EYS: variants seen among roughly 807,000 people sequenced by gnomAD.
The protein encoded by EYS is protein eyes shut homolog.
Under a neutral mutation model 282.1 loss-of-function variants are expected in EYS, and 250 were observed. The ratio of observed to expected loss-of-function variants is 0.89; its 90% CI spans 0.80 to 0.98. The LOEUF (loss-of-function observed/expected upper bound fraction) is 0.98, where lower values mean the gene tolerates loss of function less well. EYS is among the 50% of genes least tolerant of loss of function. The pLI, the probability that EYS is intolerant of heterozygous loss-of-function variation, is 0.00. For missense variants in EYS, 4,016 were observed against 3,709.0 expected, an observed-to-expected ratio of 1.08 and a Z score of -2.15; for synonymous variants, 1,355 against 1,282.9, an observed-to-expected ratio of 1.06 and a Z score of -1.20.
intron 12 of EYS, among the ~76,000 whole-genome samples, chr6:65,152,117 C>T (rs139159695): frequency 6.6e-6 from 1 of 152,056 alleles, no homozygotes; most frequent in East Asian, 1.9e-4. Context: ...TTCATAGTTG[C>T]ACCCATTGCC....
chr6:63,940,270 G>A (rs9444393), intron 35 of EYS, among the ~76,000 whole-genome samples: 1 of 151,842 alleles, frequency 6.6e-6, no homozygotes, highest in African/African-American at 2.4e-5. Flanking sequence ...CTGTAGTTGT[G>A]GTTGCTGCTA....
chr6:65,353,227 CT>C (rs1764353611), intron 9 of EYS, among the ~76,000 whole-genome samples: 1 of 151,956 alleles, frequency 6.6e-6, no homozygotes, highest in Admixed American at 6.6e-5. Flanking sequence ...GGAAATAGCT[CT>C]AGTTTACTTC....
At chr6:65,106,925 A>G (rs6939268) in intron 12 of EYS, among the ~76,000 whole-genome samples, 71,360 of 151,384 alleles carry the variant, frequency 0.47, 17,407 homozygotes, top group African/African-American at 0.56. Flanking sequence ...GCTGGGTTTG[A>G]GAAAAAGAAC....
intron 19 of EYS, among the ~76,000 whole-genome samples, chr6:64,856,616 CT>C (rs149450189): frequency 2.6e-5 from 4 of 151,976 alleles, no homozygotes; most frequent in South Asian, 2.1e-4. Flanking sequence ...TTTTAAAGGA[CT>C]TTTTTTCTTA....
At position 63,845,525 on chromosome 6, in the gene EYS, GA is replaced by G. The variant is rs565790582; in HGVS notation, c.7228+18660del. Reference sequence around the variant, plus strand: ...CCCTTTACTCTAGAGAATGGAGGGTGAAAAAAAAAGAGGTGTTGTTCTTTTG... The same window carrying G: ...CCCTTTACTCTAGAGAATGGAGGGTGAAAAAAAAGAGGTGTTGTTCTTTTG... On this transcript the variant is annotated intron_variant, in intron 36 of 42. Transcript: ENST00000503581. Among the ~76,000 whole-genome samples the G allele has an allele frequency of 3.4e-3, 506 of 149,004 alleles. 1 individual carries two copies. Among genetic ancestry groups the G allele is most frequent in the Non-Finnish European group, 5.9e-3 (394 of 67,150 alleles).
At chr6:63,877,265 C>A (rs1212475373) in intron 35 of EYS, among the ~76,000 whole-genome samples, 2 of 152,114 alleles carry the variant, frequency 1.3e-5, no homozygotes, top group Admixed American at 6.6e-5. Context: ...CTGGGTTGAA[C>A]ATTCTTTTCC....
At chr6:64,962,426 G>A (rs1769952588) in intron 14 of EYS, among the ~76,000 whole-genome samples, 1 of 151,606 alleles carries the variant, frequency 6.6e-6, no homozygotes, top group Admixed American at 6.6e-5. Flanking sequence ...ACTCTAAATT[G>A]TGTTACAAAA....
intron 11 of EYS, chr6:65,332,477 C>T (rs1769832897): frequency 4.0e-6 from 5 of 1,249,764 alleles, no homozygotes; most frequent in Non-Finnish European, 5.7e-6. Flanking sequence ...ATATTTAAGT[C>T]TATGCATTAT....
chr6:64,196,440 C>A (rs1380440756), intron 31 of EYS, among the ~76,000 whole-genome samples: 2 of 152,168 alleles, frequency 1.3e-5, no homozygotes, highest in Admixed American at 6.5e-5. Flanking sequence ...AAGACACATG[C>A]ACACGTATGT....
chr6:63,853,457 C>G (rs899536639), intron 36 of EYS, among the ~76,000 whole-genome samples: 1 of 152,102 alleles, frequency 6.6e-6, no homozygotes, highest in Non-Finnish European at 1.5e-5. Context: ...AGGAGAACTA[C>G]AAACCACTCT....
chr6:65,632,586 A>G (rs1290062137), intron 2 of EYS, among the ~76,000 whole-genome samples: 1 of 152,196 alleles, frequency 6.6e-6, no homozygotes, highest in African/African-American at 2.4e-5. Flanking sequence ...TAGCATATCA[A>G]TTACTATCCT....
At chr6:64,481,585 A>T (rs1287625373) in intron 26 of EYS, among the ~76,000 whole-genome samples, 1 of 151,548 alleles carries the variant, frequency 6.6e-6, no homozygotes, top group Non-Finnish European at 1.5e-5. Flanking sequence ...TACGAAATTT[A>T]GTATAAATTC....
intron 29 of EYS, among the ~76,000 whole-genome samples, chr6:64,359,261 A>T (rs1771928912): frequency 6.6e-6 from 1 of 151,740 alleles, no homozygotes. Flanking sequence ...AAATTTATGA[A>T]ATTGAAAGAA....
intron 19 of EYS, among the ~76,000 whole-genome samples, chr6:64,867,990 C>T (rs1766475834): frequency 1.3e-5 from 2 of 151,220 alleles, no homozygotes; most frequent in Non-Finnish European, 3.0e-5. Context: ...AATTAAAACC[C>T]TTGTATATCA....
intron 35 of EYS, among the ~76,000 whole-genome samples, chr6:63,875,570 G>A (rs778422108): frequency 2.6e-5 from 4 of 152,152 alleles, no homozygotes; most frequent in African/African-American, 9.7e-5. Context: ...TTGTACCTCT[G>A]GTAGAATTCC....
chr6:64,254,888 A>G (rs1287253713), intron 30 of EYS, among the ~76,000 whole-genome samples: 1 of 152,102 alleles, frequency 6.6e-6, no homozygotes, highest in Admixed American at 6.6e-5. Flanking sequence ...TTACATATAG[A>G]AGCAAAGTGA....
chr6:64,061,142 G>A (rs1217472643), intron 33 of EYS, among the ~76,000 whole-genome samples: 2 of 152,226 alleles, frequency 1.3e-5, no homozygotes, highest in East Asian at 3.9e-4. Context: ...AAGGAAGGGG[G>A]AATAGGCTAT....
rs1582043849 is a variant in EYS, at chr6:65,231,073, A to ATATATATGTGTATATATATATACTTT, written c.2023+64789_2023+64790insAAAGTATATATATATACACATATATA. ...AAAGTATATATATATGTACTTTTAT[A>ATATATATGTGTATATATATATACTTT]TATATATATGTGTATATATATATAC... On this transcript the variant is annotated intron_variant, in intron 12 of 42. Transcript: ENST00000503581. 8.2e-5 allele frequency among the ~76,000 whole-genome samples: 12 copies of ATATATATGTGTATATATATATACTTT among 146,540 alleles called. No homozygotes were observed. The South Asian group carries it at 1.0e-3, about 13-fold the overall frequency.
At chr6:64,667,246 G>A (rs892808160) in intron 22 of EYS, among the ~76,000 whole-genome samples, 1 of 149,938 alleles carries the variant, frequency 6.7e-6, no homozygotes, top group African/African-American at 2.4e-5. Context: ...TCATTTATTG[G>A]TATCTAAGTT....
Sources: allele counts gnomAD v4.1 joint callset (sites outside exome capture counted in the v4.1 genomes callset), GRCh38; gene constraint gnomAD v4.1.1; transcripts MANE v1.5; gene names NCBI Gene and HGNC (gene_info 2026-07-23, HGNC 2026-07-21).